SORBS2: variants seen among roughly 807,000 people sequenced by gnomAD.
SORBS2 encodes sorbin and SH3 domain-containing protein 2.
SORBS2 carries 46 observed loss-of-function variants against 97.7 expected under a neutral mutation model. The observed-to-expected ratio is 0.47, with a 90% CI of 0.37 to 0.60. SORBS2 has a LOEUF of 0.60. SORBS2 is among the 20% of genes least tolerant of loss of function. SORBS2 has a pLI of 0.00. For synonymous variants in SORBS2, 476 were observed against 473.4 expected, an observed-to-expected ratio of 1.01 and a Z score of -0.07; for missense variants, 1,316 against 1,282.3, an observed-to-expected ratio of 1.03 and a Z score of -0.40.
At chr4:185,798,557 T>C (rs2099116238) in intron 1 of SORBS2, among the ~76,000 whole-genome samples, 1 of 152,238 alleles carries the variant, frequency 6.6e-6, no homozygotes, top group African/African-American at 2.4e-5. Flanking sequence ...TAATAGCTTT[T>C]TAAAAAGCCT....
At chr4:185,938,428 ACACC>A (rs2099270197) in intron 1 of SORBS2, among the ~76,000 whole-genome samples, 1 of 138,178 alleles carries the variant, frequency 7.2e-6, no homozygotes, top group South Asian at 2.2e-4. Flanking sequence ...ACACACACAC[ACACC>A]CTTTTATTCT....
chr4:185,605,476 GT>G (rs2096390315), intron 12 of SORBS2, among the ~76,000 whole-genome samples: 1 of 151,298 alleles, frequency 6.6e-6, no homozygotes, highest in South Asian at 2.1e-4. Flanking sequence ...GGAGATGGGG[GT>G]TTTACCATGT....
chr4:185,612,739 C>T (rs2096561328), intron 11 of SORBS2, among the ~76,000 whole-genome samples: 1 of 152,154 alleles, frequency 6.6e-6, no homozygotes, highest in Admixed American at 6.5e-5. Context: ...ATCTGACCGC[C>T]TCGGCCTCCC....
In SORBS2 at chr4:185,636,526, G is replaced by T. The variant is rs556605903; in HGVS notation, c.397-5928C>A. The stretch of plus-strand genomic sequence containing the variant: ...TTCTAAAAAAACTATCAGTGTAATT[G>T]GTAGGTTATTTAAGAGTCTAAAACG... On this transcript the variant is annotated intron_variant, in intron 4 of 14. Coordinates refer to ENST00000418609, the Ensembl canonical transcript of SORBS2. 4.6e-5 allele frequency among the ~76,000 whole-genome samples: 7 copies of T among 152,172 alleles called. No individual in the cohort carries two copies. In the South Asian group the frequency reaches 1.2e-3, roughly 27 times the overall value.
At chr4:185,611,723 C>T (rs781232766) in intron 12 of SORBS2, 57 bp downstream of exon 24, 54 of 1,357,434 alleles carry the variant, frequency 4.0e-5, no homozygotes, top group Admixed American at 5.2e-5. Flanking sequence ...AGTCACACAC[C>T]GATTATCTTA....
chr4:185,765,411 A>G (rs1489986134), intron 2 of SORBS2, among the ~76,000 whole-genome samples: 1 of 152,204 alleles, frequency 6.6e-6, no homozygotes, highest in African/African-American at 2.4e-5. Flanking sequence ...GATTAGAAAA[A>G]TTATACATGT....
At chr4:185,655,420 T>C (rs2097382497) in intron 1 of SORBS2, among the ~76,000 whole-genome samples, 1 of 152,226 alleles carries the variant, frequency 6.6e-6, no homozygotes, top group African/African-American at 2.4e-5. Flanking sequence ...AGAGACAGCC[T>C]GACTTGACAT....
chr4:185,821,301 C>T (rs1051702155), intron 1 of SORBS2, among the ~76,000 whole-genome samples: 9 of 152,166 alleles, frequency 5.9e-5, no homozygotes, highest in Non-Finnish European at 1.3e-4. Context: ...TGTGTTGTGG[C>T]AGGAAGCAGA....
At chr4:185,672,127 C>T (rs1262473330) in intron 4 of SORBS2, among the ~76,000 whole-genome samples, 6 of 152,178 alleles carry the variant, frequency 3.9e-5, no homozygotes, top group African/African-American at 1.2e-4. Context: ...CCAGAAAGTG[C>T]GTTCTGCAGT....
At chr4:185,634,688 T>C (rs1273049352) in intron 4 of SORBS2, among the ~76,000 whole-genome samples, 1 of 152,172 alleles carries the variant, frequency 6.6e-6, no homozygotes, top group African/African-American at 2.4e-5. Flanking sequence ...CCATAAATTT[T>C]TCACCTAGTT....
chr4:185,812,890 A>G (rs2099189221), intron 1 of SORBS2: 1 of 152,240 alleles, frequency 6.6e-6, no homozygotes, highest in African/African-American at 2.4e-5. Flanking sequence ...TTTGTAAATT[A>G]AAAATTCTTT....
chr4:185,629,731 T>A (rs1432175782), intron 5 of SORBS2, among the ~76,000 whole-genome samples: 1 of 151,874 alleles, frequency 6.6e-6, no homozygotes, highest in African/African-American at 2.4e-5. Flanking sequence ...TCTAGCTAAT[T>A]TTTGTAGTTT....
At chr4:185,645,760 G>A (rs1207032170) in intron 4 of SORBS2, 1 of 152,168 alleles carries the variant, frequency 6.6e-6, no homozygotes, top group Non-Finnish European at 1.5e-5. Flanking sequence ...GCAATTGATT[G>A]CAAATGTTTT....
At chr4:185,870,608 C>T (rs886275568) in intron 1 of SORBS2, among the ~76,000 whole-genome samples, 7 of 152,244 alleles carry the variant, frequency 4.6e-5, no homozygotes, top group African/African-American at 1.4e-4. Context: ...ATGCTGCGCT[C>T]GTTCCTCAGG....
intron 1 of SORBS2, among the ~76,000 whole-genome samples, chr4:185,795,220 T>C (rs1356044470): frequency 6.6e-6 from 1 of 152,112 alleles, no homozygotes; most frequent in African/African-American, 2.4e-5. Flanking sequence ...CAGATTCTTG[T>C]TGGGTAAATT....
chr4:185,838,271 C>G (rs1679354653), intron 1 of SORBS2, among the ~76,000 whole-genome samples: 1 of 152,258 alleles, frequency 6.6e-6, no homozygotes, highest in Admixed American at 6.5e-5. Flanking sequence ...GCTCTGTTCC[C>G]ATGGCTGTGA....
At chr4:185,715,020 A>G (rs2098454319) in intron 2 of SORBS2, among the ~76,000 whole-genome samples, 1 of 152,266 alleles carries the variant, frequency 6.6e-6, no homozygotes, top group South Asian at 2.1e-4. Flanking sequence ...GTAAATCATT[A>G]AAAAGAAGAC....
Position 185,683,225 on chromosome 4 carries a change from ATG to A in SORBS2, c.-197-4405_-197-4404del, listed in dbSNP as rs1491417286. ...TTATTTCATATTCCTAAAGTGTGAA[ATG>A]TTTTTTTTTTCTTTTTTGCTGTTGT... On this transcript the variant is annotated intron_variant, in intron 2 of 20. Coordinates refer to the SORBS2 transcript ENST00000284776. Among the ~76,000 whole-genome samples the A allele has an allele frequency of 4.6e-3, 583 of 125,970 alleles. 2 individuals carry two copies. Among genetic ancestry groups the A allele is most frequent in the East Asian group, 9.3e-3 (40 of 4,300 alleles). The allele number at this position is 125,970 out of a possible 152,430, so 82.6% of individuals were successfully genotyped here. A position where few individuals can be genotyped will look rare whatever the true frequency, so the allele number is the denominator to read the frequency against.
At chr4:185,640,172 T>C (rs1169905135) in intron 4 of SORBS2, among the ~76,000 whole-genome samples, 2 of 152,190 alleles carry the variant, frequency 1.3e-5, no homozygotes, top group Non-Finnish European at 2.9e-5. Context: ...AAGCCTAAGT[T>C]ATCCAAAAGA....
Sources: gnomAD v4.1 joint callset for allele counts (sites outside exome capture counted in the v4.1 genomes callset) on GRCh38, gnomAD v4.1.1 for gene constraint, MANE v1.5 for transcripts, NCBI Gene and HGNC (gene_info 2026-07-23, HGNC 2026-07-21) for gene names.